The following TRMU variants were observed in gnomAD, a reference collection of about 807,000 sequenced individuals.
The protein encoded by TRMU is tRNA mitochondrial 2-thiouridylase, also known as mitochondrial tRNA-specific 2-thiouridylase 1.
Under a neutral mutation model 46.9 loss-of-function variants are expected in TRMU, and 49 were observed. The ratio of observed to expected loss-of-function variants is 1.05; its 90% confidence interval spans 0.83 to 1.33. The LOEUF (loss-of-function observed/expected upper bound fraction) is 1.33, where lower values mean the gene tolerates loss of function less well. Among genes scored for constraint, TRMU ranks in the 40% most tolerant of loss-of-function variants. TRMU has a pLI of 0.00. For synonymous variants in TRMU, 241 were observed against 200.9 expected (o/e 1.20, Z -1.69); for missense variants, 572 against 532.4 (o/e 1.07, Z -0.73).
intron 10 of TRMU, 115 bp from the exon 11 acceptor site, chr22:46,356,727 G>C (rs1446374208): frequency 3.9e-6 from 5 of 1,282,020 alleles, no homozygotes; most frequent in Admixed American, 3.8e-5. Context: ...TCCCCTGGGA[G>C]CTCAGTGCCT....
At chr22:46,343,732 T>C (rs926354544) in intron 3 of TRMU, among the ~76,000 whole-genome samples, 4 of 152,208 alleles carry the variant, frequency 2.6e-5, no homozygotes, top group African/African-American at 9.7e-5. Flanking sequence ...CACCTCTTGA[T>C]GTCTGTGGCT....
At position 46,349,653 on chromosome 22, in the gene TRMU, G is replaced by A. The variant is rs1489000508; in HGVS notation, c.479-638G>A. 6.6e-6 allele frequency among the ~76,000 whole-genome samples: 1 copy of A among 152,222 alleles called. No homozygotes were observed. The highest frequency in any genetic ancestry group is 1.5e-5 in the Non-Finnish European group (1 of 68,046). ...CCAGGTTTACTCACACCTCTGCTCC[G>A]TTGCCTTAAAGCCAGAAATGGTTCT... On this transcript the variant is annotated intron_variant, in intron 4 of 10. Transcript: ENST00000645190. The surrounding 1 kb of genome is among the most constrained non-coding windows in gnomAD (Gnocchi z 4.6).
At chr22:46,356,227 G>T in intron 10 of TRMU, 155 bp downstream of exon 10, 3 of 741,562 alleles carry the variant, frequency 4.0e-6, no homozygotes, top group Non-Finnish European at 4.5e-6. Context: ...CCTGCCCTGG[G>T]GGCTCCTCCC....
chr22:46,339,306 C>T lies in TRMU; in HGVS notation c.248+1362C>T, dbSNP rs1317384195. Reference sequence around the variant, plus strand: ...CTGGGATTATAGGCATGCACCACCACGCCCGGATAATTTTTGTATTTTTAG... The same window carrying T: ...CTGGGATTATAGGCATGCACCACCATGCCCGGATAATTTTTGTATTTTTAG... On this transcript the variant is annotated intron_variant, in intron 2 of 10. Coordinates refer to ENST00000645190, the MANE Select transcript of TRMU (RefSeq NM_018006.5). This position sits in a 1 kb window ranked among gnomAD's most constrained non-coding sequence, Gnocchi z 4.8. Among the ~76,000 whole-genome samples the T allele has an allele frequency of 3.3e-5, 5 of 152,258 alleles. No homozygotes were observed. Among genetic ancestry groups the T allele is most frequent in the South Asian group, 2.1e-4 (1 of 4,814 alleles).
intron 2 of TRMU, among the ~76,000 whole-genome samples, chr22:46,340,783 C>G (rs749971272): frequency 6.6e-6 from 1 of 152,356 alleles, no homozygotes; most frequent in East Asian, 1.9e-4. Flanking sequence ...TAAAACCCAG[C>G]TTTCCAGGCC....
At chr22:46,340,376 A>G (rs954032443) in intron 2 of TRMU, among the ~76,000 whole-genome samples, 2 of 152,248 alleles carry the variant, frequency 1.3e-5, no homozygotes, top group East Asian at 3.8e-4. Context: ...TGAGGGGACA[A>G]CAGGGAATCC....
Position 46,356,080 on chromosome 22 carries a change from G to A in TRMU, c.1101+8G>A, listed in dbSNP as rs760477689. 5 of 1,613,840 alleles carry A rather than the reference G, an allele frequency of 3.1e-6. No homozygotes were observed. Among genetic ancestry groups the A allele is most frequent in the East Asian group, 2.2e-5 (1 of 44,882 alleles). ...GCCCTTGCCACAGGACAGGTGCGTG[G>A]GGTGTGGGGGTGAGCCCGGGGAGGA... On this transcript the variant is annotated splice_region_variant and intron_variant, in intron 10 of 10. Coordinates refer to ENST00000645190, the MANE Select transcript of TRMU (RefSeq NM_018006.5).
In TRMU at chr22:46,357,315, G is replaced by A. The variant is rs899164419; in HGVS notation, c.*309G>A. On this transcript the variant is annotated 3_prime_UTR_variant, in exon 11 of 11. Coordinates refer to ENST00000645190, the MANE Select transcript of TRMU (RefSeq NM_018006.5). Reference sequence around the variant, plus strand: ...CTGCAGAGGGGGCTGTCGGGACAGCGTGGAATAAACATTATTTCAAGGACA... The same window carrying A: ...CTGCAGAGGGGGCTGTCGGGACAGCATGGAATAAACATTATTTCAAGGACA... 14 of 483,060 alleles carry A rather than the reference G, an allele frequency of 2.9e-5. No homozygotes were observed. The highest frequency in any genetic ancestry group is 1.8e-4 in the African/African-American group (9 of 50,946). 29.9% of individuals were successfully genotyped at this position (483,060 alleles called of 1,614,324 possible).
At chr22:46,345,094 G>T (rs767490735) in intron 3 of TRMU, among the ~76,000 whole-genome samples, 6 of 151,990 alleles carry the variant, frequency 3.9e-5, no homozygotes, top group Non-Finnish European at 7.4e-5. Context: ...TTTTTGAGAT[G>T]GAGTCTCACT....
At position 46,336,124 on chromosome 22, in the gene TRMU, C is replaced by CGGGGT. The variant is rs997054165; in HGVS notation, c.82+288_82+292dup. ...CACCCACAGTGAGAAGCCGGCGGGC[C>CGGGGT]GGGGTGGGGTGGGGAGGGAAGGGTT... On this transcript the variant is annotated intron_variant, in intron 1 of 10. Transcript: ENST00000645190. This position sits in a 1 kb window ranked among gnomAD's most constrained non-coding sequence, Gnocchi z 4.1. The CGGGGT allele has an allele frequency of 7.6e-7, 1 of 1,313,278 alleles. No homozygotes were observed. The highest frequency in any genetic ancestry group is 9.7e-7 in the Non-Finnish European group (1 of 1,029,336). The allele number at this position is 1,313,278 out of a possible 1,614,324, so 81.4% of individuals were successfully genotyped here.
chr22:46,356,087 G>C lies in TRMU; in HGVS notation c.1101+15G>C. 1 of 1,613,804 alleles carries C rather than the reference G, an allele frequency of 6.2e-7. No individual in the cohort carries two copies. The highest frequency in any genetic ancestry group is 8.5e-7 in the Non-Finnish European group (1 of 1,179,926). On this transcript the variant is annotated intron_variant, in intron 10 of 10. Coordinates refer to ENST00000645190, the MANE Select transcript of TRMU (RefSeq NM_018006.5). ...CCACAGGACAGGTGCGTGGGGTGTG[G>C]GGGTGAGCCCGGGGAGGACTGTACT...
In TRMU at chr22:46,353,832, G is replaced by C. The variant is rs1205060996; in HGVS notation, c.838G>C (p.Val280Leu). 6.2e-7 allele frequency: 1 copy of C among 1,613,910 alleles called. No homozygotes were observed. The highest frequency in any genetic ancestry group is 2.2e-5 in the East Asian group (1 of 44,896). The change falls in exon 8 of 11, where the codon GTG becomes CTG. Residue 280 changes from valine to leucine, a missense_variant. Physicochemically the swap from Val to Leu is conservative, Grantham distance 32. Coordinates refer to ENST00000645190, the MANE Select transcript of TRMU (RefSeq NM_018006.5). The stretch of plus-strand genomic sequence containing the variant: ...TGGCCTGAGAGAGCCCTGGTACGTG[G>C]TGGAGAAGGACAGCGTCAAGGGTGA... ...IGGLREPWYV[V>L]EKDSVKGDVF...
At chr22:46,354,665 T>G (rs901136200) in intron 8 of TRMU, 2 of 152,564 alleles carry the variant, frequency 1.3e-5, no homozygotes, top group Non-Finnish European at 2.9e-5. Context: ...GGAAGACCTG[T>G]GGGGAGAAAA....
chr22:46,353,862 T>G lies in TRMU; in HGVS notation c.868T>G (p.Phe290Val), dbSNP rs754195100. 9.9e-6 allele frequency: 16 copies of G among 1,613,078 alleles called. No homozygotes were observed. Among genetic ancestry groups the G allele is most frequent in the Non-Finnish European group, 1.3e-5 (15 of 1,179,450 alleles). ...VEKDSVKGDV[F>V]VAPRTDHPAL... ...GAAGGACAGCGTCAAGGGTGACGTGTTTGTGGTGAGTGGGCCGGCCTCTGA... is the reference window on the plus strand; with the variant it reads ...GAAGGACAGCGTCAAGGGTGACGTGGTTGTGGTGAGTGGGCCGGCCTCTGA... The change falls in exon 8 of 11, where the codon TTT becomes GTT. Residue 290 changes from phenylalanine (F) to valine (V), a missense_variant. Physicochemically the swap from Phe to Val is conservative, Grantham distance 50. Transcript: ENST00000645190.
chr22:46,353,794 G>T lies in TRMU; in HGVS notation c.800G>T (p.Arg267Ile). 6.2e-7 allele frequency: 1 copy of T among 1,613,936 alleles called. No individual in the cohort carries two copies. The highest frequency in any genetic ancestry group is 8.5e-7 in the Non-Finnish European group (1 of 1,179,870). Residue 267 changes from arginine (R) to isoleucine (I), a missense_variant, in exon 8 of 11, where the codon AGA (arginine) becomes ATA (isoleucine). Arg to Ile is a moderately conservative substitution (Grantham distance 97). Coordinates refer to ENST00000645190, the MANE Select transcript of TRMU (RefSeq NM_018006.5). The stretch of plus-strand genomic sequence containing the variant: ...TGGTTCCTGTATACCTTGGGCCAGA[G>T]AGCAAACATAGGTGGCCTGAGAGAG... Reference protein sequence around the residue: ...KGWFLYTLGQRANIGGLREPW... With the variant: ...KGWFLYTLGQIANIGGLREPW...
rs2078310977 is a variant in TRMU at position 46,348,275 on chromosome 22, A to G, written c.478+1731A>G. 6.6e-6 allele frequency among the ~76,000 whole-genome samples: 1 copy of G among 152,212 alleles called. No individual in the cohort carries two copies. The highest frequency in any genetic ancestry group is 2.1e-4 in the South Asian group (1 of 4,830). On this transcript the variant is annotated intron_variant, in intron 4 of 10. Transcript: ENST00000645190. The surrounding 1 kb of genome is among the most constrained non-coding windows in gnomAD (Gnocchi z 4.8). ...AGAACACTGTGTGCCCTGCAGAGCC[A>G]TCGACCTTTATTATAGGCCACGTGC... is the stretch of plus-strand genomic sequence containing the variant.
Position 46,337,925 on chromosome 22 carries a change from T to C in TRMU, c.229T>C (p.Tyr77His), listed in dbSNP as rs118203990. Reference sequence around the variant, plus strand: ...CCATCAAGTGTCCTACGTAAAGGAGTATTGGAATGATGTGTTCAGGTGAGT... The same window carrying C: ...CCATCAAGTGTCCTACGTAAAGGAGCATTGGAATGATGTGTTCAGGTGAGT... ...PFHQVSYVKEYWNDVFSDFLN... is the reference protein window; with the variant it reads ...PFHQVSYVKEHWNDVFSDFLN... The change falls in exon 2 of 11, where the codon TAT becomes CAT. Residue 77 changes from tyrosine (Y) to histidine (H), a missense_variant. Transcript: ENST00000645190. 1 of 1,613,886 alleles carries C rather than the reference T, an allele frequency of 6.2e-7. No homozygotes were observed.
chr22:46,335,722 G>A lies in TRMU; in HGVS notation c.-43G>A, dbSNP rs1343669011. The A allele has an allele frequency of 6.5e-7, 1 of 1,538,276 alleles. No homozygotes were observed. The highest frequency in any genetic ancestry group is 2.0e-5 in the Admixed American group (1 of 51,038). On this transcript the variant is annotated 5_prime_UTR_variant, in exon 1 of 11. Coordinates refer to ENST00000645190, the MANE Select transcript of TRMU (RefSeq NM_018006.5). ...GGGGCGGGACTTCCGGCAAGGCGCG[G>A]AAGCGGCGGTAGCTGCAGCTGGCGA... is the stretch of plus-strand genomic sequence containing the variant.
intron 7 of TRMU, chr22:46,353,350 G>A (rs940611077): frequency 1.5e-5 from 4 of 264,620 alleles, no homozygotes; most frequent in South Asian, 8.3e-5. Flanking sequence ...GTGAGGGTGC[G>A]CAGAGCAGCT....
Sources: allele counts gnomAD v4.1 joint callset (sites outside exome capture counted in the v4.1 genomes callset), GRCh38; gene constraint gnomAD v4.1.1; non-coding constraint Gnocchi (gnomAD v3.1); transcripts MANE v1.5; gene names NCBI Gene and HGNC (gene_info 2026-07-23, HGNC 2026-07-21).